Variants in SOD2 observed in about 807,000 individuals in gnomAD.
SOD2 encodes superoxide dismutase [Mn], mitochondrial.
Under a neutral mutation model 27.0 loss-of-function variants are expected in SOD2, and 11 were observed. That is an observed-to-expected ratio of 0.41 (90% CI 0.26 to 0.67). The LOEUF (loss-of-function observed/expected upper bound fraction) is 0.67. Ranked by LOEUF, SOD2 falls within the 30% of genes least tolerant of loss-of-function variation. The probability of loss-of-function intolerance (pLI) is 0.34; values close to 1 mark genes in which losing one functional copy is unlikely to be tolerated. For missense variants in SOD2, 250 were observed against 274.5 expected (o/e 0.91, Z 0.63); for synonymous variants, 105 against 103.0 (o/e 1.02, Z -0.12).
At chr6:159,713,457 G>A in intron 1 of SOD2, 1 of 652,944 alleles carries the variant, frequency 1.5e-6, no homozygotes, top group Non-Finnish European at 2.8e-6. Context: ...AGATTTCAAT[G>A]TACCTGTGCC....
intron 4 of SOD2, 78 bp downstream of exon 4, chr6:159,684,776 T>C (rs753976387): frequency 4.7e-5 from 54 of 1,148,822 alleles, no homozygotes; most frequent in Non-Finnish European, 5.9e-5. Flanking sequence ...TAAAACACTG[T>C]TAGTTTTCCT....
intron 1 of SOD2, among the ~76,000 whole-genome samples, chr6:159,711,304 A>G (rs1777755428): frequency 1.8e-5 from 1 of 56,028 alleles, no homozygotes; most frequent in South Asian, 7.0e-4. Context: ...TGACCTCCAT[A>G]ACCACCTCCA....
exon 1 of SOD2, chr6:159,761,549 A>G (rs1224578117): frequency 2.2e-6 from 1 of 456,212 alleles, no homozygotes; most frequent in Non-Finnish European, 4.4e-6. Flanking sequence ...AGCCGCCGAG[A>G]GCAAAAGGAC....
intron 1 of SOD2, chr6:159,760,848 CAG>C: frequency 6.6e-6 from 1 of 152,298 alleles, no homozygotes; most frequent in South Asian, 2.1e-4. Context: ...TCCTTGGACT[CAG>C]ATATGTTAGG....
intron 1 of SOD2, among the ~76,000 whole-genome samples, chr6:159,721,930 T>C (rs2114839531): frequency 6.6e-6 from 1 of 152,308 alleles, no homozygotes; most frequent in Non-Finnish European, 1.5e-5. Flanking sequence ...ATAGTCCTTG[T>C]CTGAGTCAAT....
intron 1 of SOD2, among the ~76,000 whole-genome samples, chr6:159,742,805 C>T (rs1779340128): frequency 6.6e-6 from 1 of 151,910 alleles, no homozygotes; most frequent in South Asian, 2.1e-4. Context: ...CCTATAATCC[C>T]AGCACTTTGG....
At chr6:159,714,096 A>G in intron 1 of SOD2, 1 of 579,432 alleles carries the variant, frequency 1.7e-6, no homozygotes, top group Non-Finnish European at 3.2e-6. Flanking sequence ...TGACAAGCAG[A>G]ACTACTTCTG....
intron 1 of SOD2, among the ~76,000 whole-genome samples, chr6:159,698,764 T>C (rs960191219): frequency 1.3e-5 from 2 of 151,964 alleles, no homozygotes; most frequent in African/African-American, 4.8e-5. Flanking sequence ...ATATTTTTTA[T>C]GAATATTGTG....
chr6:159,690,716 T>C (rs2114786608), intron 2 of SOD2, among the ~76,000 whole-genome samples: 1 of 152,326 alleles, frequency 6.6e-6, no homozygotes, highest in Non-Finnish European at 1.5e-5. Flanking sequence ...AAATCAATAG[T>C]AACTGAATTT....
At chr6:159,736,507 T>C in intron 1 of SOD2, 2 of 420,088 alleles carry the variant, frequency 4.8e-6, no homozygotes, top group Non-Finnish European at 8.4e-6. Context: ...TTTCAGATTT[T>C]GGAAAACTTT....
chr6:159,693,614 A>AGGCGGCTGC (rs938068980), upstream of SOD2, among the ~76,000 whole-genome samples: 12 of 152,098 alleles, frequency 7.9e-5, no homozygotes, highest in African/African-American at 2.9e-4. Flanking sequence ...TGGCTGCACT[A>AGGCGGCTGC]GGCGGCTGCG....
At chr6:159,710,436 A>G (rs1777712040) in intron 1 of SOD2, among the ~76,000 whole-genome samples, 1 of 151,998 alleles carries the variant, frequency 6.6e-6, no homozygotes, top group African/African-American at 2.4e-5. Flanking sequence ...CGACAGAGTT[A>G]GACTCTGTCT....
intron 1 of SOD2, chr6:159,736,357 C>T: frequency 1.5e-6 from 2 of 1,304,524 alleles, no homozygotes; most frequent in Admixed American, 2.0e-5. Flanking sequence ...CTTTTTTAAG[C>T]ACTTTAAAAA....
chr6:159,757,562 G>A (rs1397403271), intron 1 of SOD2, among the ~76,000 whole-genome samples: 2 of 151,864 alleles, frequency 1.3e-5, no homozygotes, highest in African/African-American at 2.4e-5. Context: ...ACAGGCGTGC[G>A]CCACCATGCC....
At chr6:159,719,027 T>A (rs1296728464) in intron 1 of SOD2, among the ~76,000 whole-genome samples, 1 of 152,102 alleles carries the variant, frequency 6.6e-6, no homozygotes, top group Non-Finnish European at 1.5e-5. Context: ...TTACTGTTTT[T>A]TTTTTCCTCT....
In SOD2 at chr6:159,679,489, T is replaced by C. The variant is rs1779857591; in HGVS notation, c.*3004A>G. On this transcript the variant is annotated 3_prime_UTR_variant, in exon 5 of 5. Transcript: ENST00000538183. The stretch of plus-strand genomic sequence containing the variant: ...TAAAGGCGCTCAATAGAAATTCAAA[T>C]CTCACTTTAAGACCATGAATTTCAA... The C allele has an allele frequency of 6.6e-6, 1 of 152,244 alleles. No individual in the cohort carries two copies. 9.4% of individuals were successfully genotyped at this position (152,244 alleles called of 1,614,324 possible).
At chr6:159,718,996 TGC>T (rs1024877931) in intron 1 of SOD2, among the ~76,000 whole-genome samples, 5 of 151,906 alleles carry the variant, frequency 3.3e-5, no homozygotes, top group African/African-American at 1.2e-4. Flanking sequence ...GATTTCTGGG[TGC>T]CAATAACAAA....
upstream of SOD2, chr6:159,749,498 C>G: frequency 1.1e-6 from 1 of 941,742 alleles, no homozygotes; most frequent in African/African-American, 1.8e-5. Context: ...TAATTTGGGG[C>G]GGGGAGGGCC....
chr6:159,713,584 G>C, intron 1 of SOD2: 1 of 887,828 alleles, frequency 1.1e-6, no homozygotes, highest in Non-Finnish European at 1.9e-6. Context: ...TATCCCATTT[G>C]GCACAATTTC....
Sources: gnomAD v4.1 joint callset for allele counts (sites outside exome capture counted in the v4.1 genomes callset) on GRCh38, gnomAD v4.1.1 for gene constraint, MANE v1.5 for transcripts, NCBI Gene and HGNC (gene_info 2026-07-23, HGNC 2026-07-21) for gene names.